MAPK8IP3: variants seen among roughly 807,000 people sequenced by gnomAD.
MAPK8IP3 encodes the protein mitogen-activated protein kinase 8 interacting protein 3.
In MAPK8IP3, 49 loss-of-function variants were observed where a neutral mutation model predicts 157.8. The ratio of observed to expected loss-of-function variants is 0.31; its 90% CI spans 0.25 to 0.39. The LOEUF (loss-of-function observed/expected upper bound fraction) is 0.39. Among genes scored for constraint, MAPK8IP3 ranks in the 10% least tolerant of loss-of-function variants. The pLI is 1.00. For missense variants in MAPK8IP3, 1,478 were observed against 1,889.4 expected (o/e 0.78, Z 4.04); for synonymous variants, 897 against 777.7 (o/e 1.15, Z -2.55).
intron 29 of MAPK8IP3, 46 bp downstream of exon 29, chr16:1,768,153 C>CT: frequency 6.2e-7 from 1 of 1,611,884 alleles, no homozygotes; most frequent in Admixed American, 1.7e-5. Context: ...CTCTCCCACT[C>CT]TCCACCTGTA....
intron 26 of MAPK8IP3, 94 bp downstream of exon 26, chr16:1,767,391 G>C: frequency 6.4e-7 from 1 of 1,558,316 alleles, no homozygotes; most frequent in Non-Finnish European, 8.8e-7. Flanking sequence ...GAGGCCCTAC[G>C]TGGGTCCCAT....
chr16:1,724,411 C>T lies in MAPK8IP3; in HGVS notation c.319-146C>T, dbSNP rs904582925. On this transcript the variant is annotated intron_variant, in intron 1 of 31. Coordinates refer to ENST00000610761, the MANE Select transcript of MAPK8IP3 (RefSeq NM_001318852.2). This position sits in a 1 kb window ranked among gnomAD's most constrained non-coding sequence, Gnocchi z 4.1. ...GGCCACAGCCACGTGGCGGGAAGCC[C>T]CCATTCCGGCCTGGCCATGGGCCAG... The T allele has an allele frequency of 9.9e-6, 11 of 1,115,196 alleles. No homozygotes were observed. The highest frequency in any genetic ancestry group is 1.4e-5 in the Non-Finnish European group (11 of 789,586). The allele number at this position is 1,115,196 out of a possible 1,614,324, so 69.1% of individuals were successfully genotyped here. A position where few individuals can be genotyped will look rare whatever the true frequency, so the allele number is the denominator to read the frequency against.
chr16:1,730,522 G>A (rs1051717792), intron 4 of MAPK8IP3, among the ~76,000 whole-genome samples: 3 of 151,792 alleles, frequency 2.0e-5, no homozygotes, highest in Admixed American at 6.6e-5. Context: ...GGCAGATCAC[G>A]AGATCAGGAG....
intron 20 of MAPK8IP3, among the ~76,000 whole-genome samples, chr16:1,765,432 G>A (rs894626666): frequency 2.0e-5 from 3 of 152,308 alleles, no homozygotes; most frequent in South Asian, 4.1e-4. Context: ...AGAGGGTGAC[G>A]GGTGGGCACG....
At chr16:1,764,880 G>C in intron 19 of MAPK8IP3, 133 bp from the exon 20 acceptor site, 1 of 840,552 alleles carries the variant, frequency 1.2e-6, no homozygotes, top group Non-Finnish European at 1.9e-6. Flanking sequence ...CTGGTCCTGG[G>C]GGAGGACAGC....
intron 1 of MAPK8IP3, among the ~76,000 whole-genome samples, chr16:1,709,795 A>G (rs1328287143): frequency 6.6e-6 from 1 of 152,240 alleles, no homozygotes; most frequent in African/African-American, 2.4e-5. Flanking sequence ...CTTCTCCCAT[A>G]GTGATCAACT....
intron 7 of MAPK8IP3, 125 bp from the exon 8 acceptor site, chr16:1,748,477 C>G (rs1336237718): frequency 8.7e-7 from 1 of 1,144,228 alleles, no homozygotes; most frequent in East Asian, 2.5e-5. Context: ...CCATCCACGA[C>G]CGGCCTGCAG....
Position 1,763,775 on chromosome 16 carries a change from T to C in MAPK8IP3, c.2017T>C (p.Tyr673His). 1 of 1,535,302 alleles carries C rather than the reference T, an allele frequency of 6.5e-7. No individual in the cohort carries two copies. The highest frequency in any genetic ancestry group is 8.8e-7 in the Non-Finnish European group (1 of 1,135,234). Residue 673 changes from tyrosine to histidine, a missense_variant, in exon 17 of 32, where the codon TAC becomes CAC. Tyr to His is a moderately conservative substitution (Grantham distance 83). Coordinates refer to ENST00000610761, the MANE Select transcript of MAPK8IP3 (RefSeq NM_001318852.2). Reference protein sequence around the residue: ...QACGWSLPAKYKQLSPNGGQE... With the variant: ...QACGWSLPAKHKQLSPNGGQE... ...CTGCGGCTGGAGCCTGCCCGCCAAG[T>C]ACAAGCAGGTGCGGGCGGGCGCTGC... is the stretch of plus-strand genomic sequence containing the variant.
chr16:1,742,659 A>T lies in MAPK8IP3; in HGVS notation c.603-673A>T, dbSNP rs964146285. ...GGATTCCCTCTGCTGGCGCCAGGGG[A>T]ACAGGCAGGGCTGGCAGTAACACCA... On this transcript the variant is annotated intron_variant, in intron 4 of 31. Coordinates refer to ENST00000610761, the MANE Select transcript of MAPK8IP3 (RefSeq NM_001318852.2). The surrounding 1 kb of genome is among the most constrained non-coding windows in gnomAD (Gnocchi z 5.0). 6.6e-6 allele frequency among the ~76,000 whole-genome samples: 1 copy of T among 152,146 alleles called. No individual in the cohort carries two copies. The highest frequency in any genetic ancestry group is 6.5e-5 in the Admixed American group (1 of 15,280).
intron 1 of MAPK8IP3, among the ~76,000 whole-genome samples, chr16:1,711,541 G>A (rs1416370637): frequency 2.6e-5 from 4 of 152,186 alleles, no homozygotes; most frequent in African/African-American, 9.7e-5. Context: ...TTTATTACCA[G>A]GGCTGGAGGA....
intron 1 of MAPK8IP3, among the ~76,000 whole-genome samples, chr16:1,721,287 C>T (rs765421015): frequency 2.1e-5 from 3 of 143,338 alleles, no homozygotes; most frequent in Non-Finnish European, 4.5e-5. Flanking sequence ...GAGCTGAGAT[C>T]GTGCCATTGC....
In MAPK8IP3 at chr16:1,764,220, C is replaced by T. The variant is rs754150806; in HGVS notation, c.2121+10C>T. The T allele has an allele frequency of 1.9e-5, 31 of 1,608,460 alleles. No individual in the cohort carries two copies. In the South Asian group the frequency reaches 3.2e-4, roughly 17 times the overall value. ...GGACCCCACCATGAAGGTGAGCCCG[C>T]GAGGACCCCGCTCAGGCTGGCTGGG... On this transcript the variant is annotated intron_variant, in intron 18 of 31. Transcript: ENST00000610761.
At position 1,768,215 on chromosome 16, in the gene MAPK8IP3, C is replaced by G; in HGVS notation, c.3579C>G (p.Pro1193=). The G allele has an allele frequency of 6.2e-7, 1 of 1,612,446 alleles. No homozygotes were observed. Among genetic ancestry groups the G allele is most frequent in the South Asian group, 1.1e-5 (1 of 91,052 alleles). Residue 1193 remains proline (P), a synonymous_variant, in exon 30 of 32, where the codon CCC becomes CCG. Transcript: ENST00000610761. ...TCCCTGCAGCCAATAAGACATCCCC[C>G]ACCTCTGGGGAGGGCGCCCGTCCCG... The part of the protein sequence containing the change: ...LLGLRANKTS[P]TSGEGARPGG...
chr16:1,753,274 TTTTG>T (rs2041398648), intron 8 of MAPK8IP3, among the ~76,000 whole-genome samples: 1 of 152,080 alleles, frequency 6.6e-6, no homozygotes, highest in Admixed American at 6.6e-5. Context: ...TTTAAGACTT[TTTTG>T]TTTGTTCGTT....
chr16:1,736,119 CGTGT>C (rs1198749878), intron 4 of MAPK8IP3, among the ~76,000 whole-genome samples: 2 of 99,628 alleles, frequency 2.0e-5, no homozygotes, highest in Non-Finnish European at 3.9e-5. Flanking sequence ...TGTGACCGTC[CGTGT>C]GTGTGACCAT....
chr16:1,758,273 G>A (rs948104551), intron 9 of MAPK8IP3, 114 bp downstream of exon 9: 48 of 1,216,002 alleles, frequency 3.9e-5, no homozygotes, highest in Admixed American at 2.1e-4. Flanking sequence ...CCCCCACGTC[G>A]CCGCAGCGCC....
rs147644765 is a variant in MAPK8IP3 at position 1,754,236 on chromosome 16, T to C, written c.1217-3912T>C. Among the ~76,000 whole-genome samples the C allele has an allele frequency of 2.4e-3, 367 of 152,242 alleles. 4 individuals are homozygous for C. The highest frequency in any genetic ancestry group is 8.1e-3 in the African/African-American group (335 of 41,530). Reference sequence around the variant, plus strand: ...AATTAATACTCACTGAGTATGTCGCTGGTGCTGGGAGCTGTACCAGCTATT... The same window carrying C: ...AATTAATACTCACTGAGTATGTCGCCGGTGCTGGGAGCTGTACCAGCTATT... On this transcript the variant is annotated intron_variant, in intron 8 of 31. Transcript: ENST00000610761.
At chr16:1,735,642 T>TGA (rs770215669) in intron 4 of MAPK8IP3, among the ~76,000 whole-genome samples, 3 of 140,922 alleles carry the variant, frequency 2.1e-5, no homozygotes, top group African/African-American at 5.4e-5. Flanking sequence ...ACTGTCCATG[T>TGA]GAGTGTGACC....
Position 1,706,490 on chromosome 16 carries a change from G to T in MAPK8IP3, c.151G>T (p.Val51Leu). The stretch of plus-strand genomic sequence containing the variant: ...CCTCATCCACTGCTACGACGAGGAG[G>T]TGGTCAAGGAGCTCATGCCGCTGGT... ...ERLIHCYDEE[V>L]VKELMPLVVN... Residue 51 changes from valine (V) to leucine (L), a missense_variant, in exon 1 of 32, where the codon GTG becomes TTG. Around this residue, in one of 11 missense-constraint regions of MAPK8IP3, gnomAD observed 65 missense variants for 161.8 expected, o/e 0.40. Transcript: ENST00000610761. The surrounding 1 kb of genome is among the most constrained non-coding windows in gnomAD (Gnocchi z 5.1). 1 of 1,614,118 alleles carries T rather than the reference G, an allele frequency of 6.2e-7. No individual in the cohort carries two copies. Among genetic ancestry groups the T allele is most frequent in the Non-Finnish European group, 8.5e-7 (1 of 1,179,990 alleles).
Sources: gnomAD v4.1 joint callset for allele counts (sites outside exome capture counted in the v4.1 genomes callset) on GRCh38, gnomAD v4.1.1 for gene constraint, gnomAD v4.1.1 regional missense constraint, Gnocchi (gnomAD v3.1) non-coding constraint, MANE v1.5 for transcripts, NCBI Gene and HGNC (gene_info 2026-07-23, HGNC 2026-07-21) for gene names.